SLC10A7: variants seen among roughly 807,000 people sequenced by gnomAD.
The protein encoded by SLC10A7 is solute carrier family 10 member 7.
Under a neutral mutation model 43.2 loss-of-function variants are expected in SLC10A7, and 29 were observed. That is an observed-to-expected ratio of 0.67 (90% CI 0.50 to 0.92). The LOEUF is 0.92. Ranked by LOEUF, SLC10A7 falls within the 40% of genes least tolerant of loss-of-function variation. The pLI is 0.00. For missense variants in SLC10A7, 295 were observed against 403.2 expected, an observed-to-expected ratio of 0.73 and a Z score of 2.30; for synonymous variants, 152 against 144.8, an observed-to-expected ratio of 1.05 and a Z score of -0.35.
rs982248582 is a variant in SLC10A7, at chr4:146,258,848, A to C, written c.848-11T>G. 5.6e-6 allele frequency: 9 copies of C among 1,601,620 alleles called. No homozygotes were observed. The highest frequency in any genetic ancestry group is 4.2e-6 in the Non-Finnish European group (5 of 1,176,966). On this transcript the variant is annotated splice_polypyrimidine_tract_variant and intron_variant, in intron 10 of 11. Transcript: ENST00000335472. ...TCAGCATCGGAATTCCTGTTGAACA[A>C]AGAAGACAGAAAACCTAAACCAAAT... is the stretch of plus-strand genomic sequence containing the variant.
At chr4:146,439,420 A>T (rs1730439299) in intron 5 of SLC10A7, among the ~76,000 whole-genome samples, 1 of 152,084 alleles carries the variant, frequency 6.6e-6, no homozygotes, top group African/African-American at 2.4e-5. Flanking sequence ...GTTTTAAGGT[A>T]ATCTGAAATA....
intron 4 of SLC10A7, among the ~76,000 whole-genome samples, chr4:146,471,979 C>A (rs775383418): frequency 6.6e-6 from 1 of 151,934 alleles, no homozygotes; most frequent in Non-Finnish European, 1.5e-5. Flanking sequence ...GTTCTCCATA[C>A]CCCCCCACTC....
chr4:146,479,864 C>T (rs913316756), intron 4 of SLC10A7, among the ~76,000 whole-genome samples: 2 of 152,064 alleles, frequency 1.3e-5, no homozygotes, highest in African/African-American at 4.8e-5. Context: ...CAAAGATGCA[C>T]AAAGTTTATG....
chr4:146,256,881 T>C (rs1306285345), intron 11 of SLC10A7: 2 of 1,536,252 alleles, frequency 1.3e-6, no homozygotes, highest in Non-Finnish European at 8.7e-7. Flanking sequence ...GGATAGATAT[T>C]CCAAGCCTTC....
chr4:146,341,039 T>C (rs905131896), intron 5 of SLC10A7, among the ~76,000 whole-genome samples: 1 of 151,890 alleles, frequency 6.6e-6, no homozygotes, highest in Non-Finnish European at 1.5e-5. Flanking sequence ...CACTGCATGT[T>C]TAAAATAAAA....
intron 2 of SLC10A7, among the ~76,000 whole-genome samples, chr4:146,513,129 T>C (rs1411096352): frequency 1.3e-5 from 2 of 151,972 alleles, no homozygotes; most frequent in African/African-American, 2.4e-5. Flanking sequence ...AACTGGATAG[T>C]TGGTGGAAGA....
At chr4:146,480,112 A>G (rs536201678) in intron 4 of SLC10A7, among the ~76,000 whole-genome samples, 1 of 152,100 alleles carries the variant, frequency 6.6e-6, no homozygotes, top group South Asian at 2.1e-4. Flanking sequence ...AAGAATCCAA[A>G]GGTTAGAAAA....
chr4:146,429,676 A>G (rs1178543208), intron 5 of SLC10A7, among the ~76,000 whole-genome samples: 1 of 152,198 alleles, frequency 6.6e-6, no homozygotes, highest in African/African-American at 2.4e-5. Flanking sequence ...GTTACAATCT[A>G]TAGTAACCCA....
At chr4:146,328,223 A>G (rs182860263) in intron 5 of SLC10A7, among the ~76,000 whole-genome samples, 61 of 152,216 alleles carry the variant, frequency 4.0e-4, no homozygotes, top group Non-Finnish European at 7.9e-4. Context: ...CCCTCCCACC[A>G]GCACCCATGT....
intron 5 of SLC10A7, among the ~76,000 whole-genome samples, chr4:146,413,557 T>G (rs1231910595): frequency 6.6e-6 from 1 of 152,206 alleles, no homozygotes; most frequent in Non-Finnish European, 1.5e-5. Context: ...CTAATAAGTT[T>G]TAATTTACTA....
chr4:146,320,465 T>C (rs924926812), intron 6 of SLC10A7, among the ~76,000 whole-genome samples: 9 of 151,888 alleles, frequency 5.9e-5, no homozygotes, highest in Admixed American at 3.9e-4. Context: ...GCCATTCCAG[T>C]GAAGAACTTT....
intron 5 of SLC10A7, among the ~76,000 whole-genome samples, chr4:146,379,182 T>A (rs753662325): frequency 6.6e-6 from 1 of 152,206 alleles, no homozygotes; most frequent in Non-Finnish European, 1.5e-5. Flanking sequence ...ACCATTAGGA[T>A]CCTATTCATT....
At chr4:146,484,446 C>T (rs1453273302) in intron 4 of SLC10A7, among the ~76,000 whole-genome samples, 1 of 152,060 alleles carries the variant, frequency 6.6e-6, no homozygotes, top group Non-Finnish European at 1.5e-5. Flanking sequence ...GTCTATCAAA[C>T]ATAGGAAGAA....
chr4:146,379,784 C>T (rs186382102), intron 5 of SLC10A7, among the ~76,000 whole-genome samples: 2 of 152,200 alleles, frequency 1.3e-5, no homozygotes, highest in Admixed American at 1.3e-4. Context: ...CTAGATCATC[C>T]CACTATTGAG....
intron 5 of SLC10A7, among the ~76,000 whole-genome samples, chr4:146,385,522 C>A (rs1431290622): frequency 6.6e-6 from 1 of 151,992 alleles, no homozygotes; most frequent in Non-Finnish European, 1.5e-5. Flanking sequence ...AGGTGACTGT[C>A]CTTTGCTTAT....
At chr4:146,498,206 G>A (rs879676867) in intron 4 of SLC10A7, among the ~76,000 whole-genome samples, 6 of 150,984 alleles carry the variant, frequency 4.0e-5, no homozygotes, top group East Asian at 3.9e-4. Context: ...CAACCTCCGC[G>A]CCCCGGGTTC....
At chr4:146,283,774 T>C (rs978254629) in intron 9 of SLC10A7, among the ~76,000 whole-genome samples, 6 of 152,178 alleles carry the variant, frequency 3.9e-5, no homozygotes, top group Non-Finnish European at 7.4e-5. Context: ...ATTTCTCTAA[T>C]GTCTTTACAT....
intron 5 of SLC10A7, among the ~76,000 whole-genome samples, chr4:146,402,139 G>T (rs1239657316): frequency 2.6e-5 from 4 of 152,138 alleles, no homozygotes; most frequent in Non-Finnish European, 5.9e-5. Flanking sequence ...GAGTGAAACT[G>T]ATTTTAGGCT....
chr4:146,363,335 C>T (rs1736179721), intron 5 of SLC10A7, among the ~76,000 whole-genome samples: 1 of 151,990 alleles, frequency 6.6e-6, no homozygotes, highest in African/African-American at 2.4e-5. Context: ...TATGTATATG[C>T]ACTCAATGCA....
Sources: gnomAD v4.1 joint callset for allele counts (sites outside exome capture counted in the v4.1 genomes callset) on GRCh38, gnomAD v4.1.1 for gene constraint, MANE v1.5 for transcripts, NCBI Gene and HGNC (gene_info 2026-07-23, HGNC 2026-07-21) for gene names.